Variants in THSD7A observed in about 807,000 individuals in gnomAD.
THSD7A encodes thrombospondin type 1 domain containing 7A, also known as thrombospondin type-1 domain-containing protein 7A.
A neutral mutation model predicts 231.3 loss-of-function variants in THSD7A; 96 were observed. The observed-to-expected ratio is 0.41, with a 90% CI of 0.35 to 0.49. The LOEUF is 0.49. THSD7A is among the 20% of genes least tolerant of loss of function. THSD7A has a pLI of 0.05. For missense variants in THSD7A, 2,290 were observed against 2,070.2 expected (o/e 1.11, Z -2.06); for synonymous variants, 940 against 743.3 (o/e 1.26, Z -4.30).
At chr7:11,732,060 T>G in intron 1 of THSD7A, among the ~76,000 whole-genome samples, 1 of 151,808 alleles carries the variant, frequency 6.6e-6, no homozygotes, top group South Asian at 2.1e-4. Flanking sequence ...ACTTATTACT[T>G]AAGGATTTAA....
intron 1 of THSD7A, among the ~76,000 whole-genome samples, chr7:11,792,204 C>A (rs1783973361): frequency 6.6e-6 from 1 of 151,904 alleles, no homozygotes. Context: ...AGGTCGCTTG[C>A]CCTTTCTGGC....
chr7:11,679,300 G>A (rs1026077963), intron 1 of THSD7A, among the ~76,000 whole-genome samples: 16 of 152,190 alleles, frequency 1.1e-4, no homozygotes, highest in African/African-American at 3.6e-4. Flanking sequence ...AGACAAGGAT[G>A]CCCTCACTCA....
At chr7:11,571,250 G>T (rs1193144822) in intron 4 of THSD7A, among the ~76,000 whole-genome samples, 2 of 152,296 alleles carry the variant, frequency 1.3e-5, no homozygotes, top group South Asian at 2.1e-4. Flanking sequence ...AGATGGTGGA[G>T]GTTCCACAGA....
At chr7:11,543,891 G>C (rs927155883) in intron 4 of THSD7A, among the ~76,000 whole-genome samples, 2 of 151,786 alleles carry the variant, frequency 1.3e-5, no homozygotes, top group Admixed American at 6.6e-5. Context: ...CATAGTTCTG[G>C]ACATAGAACT....
At chr7:11,635,631 T>C (rs901526515) in intron 2 of THSD7A, among the ~76,000 whole-genome samples, 1 of 152,172 alleles carries the variant, frequency 6.6e-6, no homozygotes, top group East Asian at 1.9e-4. Context: ...AGTTATTCCA[T>C]TATATACAAT....
intron 24 of THSD7A, among the ~76,000 whole-genome samples, 195 bp from the exon 25 acceptor site, chr7:11,379,907 G>A (rs1359177736): frequency 6.6e-6 from 1 of 152,098 alleles, no homozygotes; most frequent in Non-Finnish European, 1.5e-5. Flanking sequence ...TTACCCAGGG[G>A]AGCTAGCTCA....
intron 1 of THSD7A, among the ~76,000 whole-genome samples, chr7:11,759,303 T>G (rs1782781073): frequency 6.6e-6 from 1 of 152,042 alleles, no homozygotes; most frequent in African/African-American, 2.4e-5. Context: ...ACCATGTAAT[T>G]TGAAAAAGAA....
At chr7:11,521,878 A>C (rs537651829) in intron 6 of THSD7A, among the ~76,000 whole-genome samples, 1 of 152,140 alleles carries the variant, frequency 6.6e-6, no homozygotes, top group Non-Finnish European at 1.5e-5. Context: ...AAAACAATTC[A>C]GTGTAAAAAC....
intron 1 of THSD7A, among the ~76,000 whole-genome samples, chr7:11,795,332 A>G (rs1270986544): frequency 2.0e-5 from 3 of 151,190 alleles, no homozygotes; most frequent in Admixed American, 2.0e-4. Flanking sequence ...TTACAGTAAT[A>G]TTCTTATAAC....
intron 6 of THSD7A, among the ~76,000 whole-genome samples, chr7:11,518,625 A>C (rs1235800037): frequency 4.0e-5 from 6 of 150,774 alleles, no homozygotes; most frequent in Non-Finnish European, 7.4e-5. Context: ...ACACACGCAC[A>C]CACAGGCACG....
At chr7:11,535,457 A>G (rs1740518146) in intron 6 of THSD7A, among the ~76,000 whole-genome samples, 1 of 152,032 alleles carries the variant, frequency 6.6e-6, no homozygotes, top group Non-Finnish European at 1.5e-5. Context: ...CTAAAAGGTT[A>G]TAATGACTTT....
At chr7:11,746,891 C>G (rs940046591) in intron 1 of THSD7A, among the ~76,000 whole-genome samples, 3 of 151,678 alleles carry the variant, frequency 2.0e-5, no homozygotes, top group Admixed American at 2.0e-4. Context: ...GAAGATTGGT[C>G]CTTTCTCTCA....
chr7:11,395,031 T>A (rs1783127690), intron 23 of THSD7A, among the ~76,000 whole-genome samples: 1 of 151,760 alleles, frequency 6.6e-6, no homozygotes, highest in African/African-American at 2.4e-5. Flanking sequence ...GCAAATTGAA[T>A]AACAAGTCAA....
chr7:11,531,693 T>A (rs971498669), intron 6 of THSD7A, among the ~76,000 whole-genome samples: 17 of 152,240 alleles, frequency 1.1e-4, no homozygotes, highest in African/African-American at 4.1e-4. Context: ...GTGAACTAGG[T>A]TGGAAAAATT....
At chr7:11,620,249 T>C (rs1781258776) in intron 2 of THSD7A, among the ~76,000 whole-genome samples, 1 of 152,242 alleles carries the variant, frequency 6.6e-6, no homozygotes, top group Admixed American at 6.5e-5. Flanking sequence ...AAGTCTAAAG[T>C]ATTTTCTTTA....
chr7:11,753,996 C>A (rs372956377), intron 1 of THSD7A, among the ~76,000 whole-genome samples: 1 of 151,772 alleles, frequency 6.6e-6, no homozygotes, highest in African/African-American at 2.4e-5. Flanking sequence ...ATTTCCAGAA[C>A]GGCCACTTTA....
intron 4 of THSD7A, among the ~76,000 whole-genome samples, chr7:11,543,667 A>G (rs1262320662): frequency 6.6e-6 from 1 of 152,190 alleles, no homozygotes; most frequent in African/African-American, 2.4e-5. Context: ...TGCTCACTGA[A>G]TTATTTCCAA....
At chr7:11,383,782 C>T (rs543121278) in intron 23 of THSD7A, 1 of 152,060 alleles carries the variant, frequency 6.6e-6, no homozygotes, top group South Asian at 2.1e-4. Context: ...TATATTTTTT[C>T]TCATTGAATT....
At chr7:11,695,031 T>C (rs930804501) in intron 1 of THSD7A, among the ~76,000 whole-genome samples, 1 of 151,544 alleles carries the variant, frequency 6.6e-6, no homozygotes, top group Admixed American at 6.6e-5. Flanking sequence ...CAGCCAGATA[T>C]TATTCTTCAT....
Sources: allele counts gnomAD v4.1 joint callset (sites outside exome capture counted in the v4.1 genomes callset), GRCh38; gene constraint gnomAD v4.1.1; transcripts MANE v1.5; gene names NCBI Gene and HGNC (gene_info 2026-07-23, HGNC 2026-07-21).